ARRB1: variants seen among roughly 807,000 people sequenced by gnomAD.
ARRB1 encodes the protein beta-arrestin-1.
Under a neutral mutation model 56.8 loss-of-function variants are expected in ARRB1, and 21 were observed. The observed-to-expected ratio is 0.37, with a 90% CI of 0.26 to 0.53. The LOEUF (loss-of-function observed/expected upper bound fraction) is 0.53. Among genes scored for constraint, ARRB1 ranks in the 20% least tolerant of loss-of-function variants. ARRB1 has a pLI of 0.88. For missense variants in ARRB1, 424 were observed against 553.7 expected, an observed-to-expected ratio of 0.77 and a Z score of 2.35; for synonymous variants, 210 against 218.6, an observed-to-expected ratio of 0.96 and a Z score of 0.35.
intron 11 of ARRB1, 134 bp from the exon 12 acceptor site, chr11:75,273,112 G>A: frequency 1.4e-6 from 1 of 705,688 alleles, no homozygotes; most frequent in Non-Finnish European, 2.5e-6. Flanking sequence ...GTCCAATAGA[G>A]CCCAGTGGAG....
chr11:75,320,826 C>T (rs1716840800), intron 1 of ARRB1, among the ~76,000 whole-genome samples: 1 of 152,186 alleles, frequency 6.6e-6, no homozygotes, highest in Non-Finnish European at 1.5e-5. Context: ...ACAGAGATGG[C>T]CCTGGACTCC....
intron 1 of ARRB1, among the ~76,000 whole-genome samples, chr11:75,303,317 C>T (rs772796423): frequency 7.9e-5 from 12 of 152,034 alleles, no homozygotes; most frequent in Non-Finnish European, 1.6e-4. Flanking sequence ...CCAGTGTAGA[C>T]ATCCACATTC....
chr11:75,348,260 C>T (rs1220283288), intron 1 of ARRB1, among the ~76,000 whole-genome samples: 1 of 152,198 alleles, frequency 6.6e-6, no homozygotes, highest in Non-Finnish European at 1.5e-5. Flanking sequence ...ATATCATTCC[C>T]AATCCCGCCC....
intron 1 of ARRB1, among the ~76,000 whole-genome samples, chr11:75,313,162 G>A (rs766827533): frequency 1.3e-5 from 2 of 152,114 alleles, no homozygotes; most frequent in African/African-American, 2.4e-5. Context: ...AAACCAACCT[G>A]GCCAACATGG....
intron 1 of ARRB1, among the ~76,000 whole-genome samples, chr11:75,296,765 T>C (rs1340176129): frequency 1.3e-5 from 2 of 151,928 alleles, no homozygotes; most frequent in Non-Finnish European, 2.9e-5. Flanking sequence ...GCAACCTCCA[T>C]CTCCCAGGCT....
At chr11:75,351,547 G>A (rs1947851454) in intron 1 of ARRB1, 41 bp downstream of exon 1, 2 of 1,496,488 alleles carry the variant, frequency 1.3e-6, no homozygotes, top group Admixed American at 2.1e-5. Flanking sequence ...CGCCGAGGTC[G>A]CCCCCACGCG....
rs1946353216 is a variant in ARRB1 at position 75,281,971 on chromosome 11, G to A, written c.405C>T (p.Asp135=). Reference sequence around the variant, plus strand: ...CCTTGGGGTGACCTACCTTCCCCGTGTCTTCGGGCCCCGGCTGCAGTGTCA... The same window carrying A: ...CCTTGGGGTGACCTACCTTCCCCGTATCTTCGGGCCCCGGCTGCAGTGTCA... The part of the protein sequence containing the change: ...CSVTLQPGPE[D]TGKACGVDYE... The change falls in exon 6 of 16, where the codon GAC becomes GAT. Residue 135 remains aspartate (D), a synonymous_variant. Transcript: ENST00000420843. 6.2e-7 allele frequency: 1 copy of A among 1,614,012 alleles called. No individual in the cohort carries two copies. The highest frequency in any genetic ancestry group is 1.3e-5 in the African/African-American group (1 of 74,920).
chr11:75,277,611 G>A (rs1335911648), intron 8 of ARRB1, among the ~76,000 whole-genome samples, 163 bp from the exon 9 acceptor site: 1 of 152,188 alleles, frequency 6.6e-6, no homozygotes, highest in Non-Finnish European at 1.5e-5. Flanking sequence ...CATCCCTCAG[G>A]TTCATGCCCC....
Position 75,265,947 on chromosome 11 carries a change from A to T in ARRB1, c.*216T>A, listed in dbSNP as rs930933594. On this transcript the variant is annotated 3_prime_UTR_variant, in exon 16 of 16. Coordinates refer to ENST00000420843, the MANE Select transcript of ARRB1 (RefSeq NM_004041.5). ...AAGGAGGGGAGTGGAGATGGCAGAG[A>T]TGGGGTGGAGCCAGTGCGCTGTGGT... 7.1e-6 allele frequency: 4 copies of T among 563,674 alleles called. No homozygotes were observed. Among genetic ancestry groups the T allele is most frequent in the African/African-American group, 5.7e-5 (3 of 52,976 alleles). 34.9% of individuals were successfully genotyped at this position (563,674 alleles called of 1,614,324 possible).
chr11:75,289,914 C>T, intron 2 of ARRB1, 95 bp downstream of exon 2: 1 of 1,561,610 alleles, frequency 6.4e-7, no homozygotes, highest in Non-Finnish European at 8.8e-7. Flanking sequence ...CAGAGGTGTG[C>T]ATTTCAGGGG....
At chr11:75,346,212 CG>C (rs2135004437) in intron 1 of ARRB1, among the ~76,000 whole-genome samples, 1 of 152,218 alleles carries the variant, frequency 6.6e-6, no homozygotes, top group Non-Finnish European at 1.5e-5. Context: ...CACCCAGCTC[CG>C]GGGTCACCTC....
At chr11:75,283,534 G>GC (rs754170650) in intron 4 of ARRB1, 51 bp from the exon 5 acceptor site, 3 of 1,515,194 alleles carry the variant, frequency 2.0e-6, no homozygotes, top group South Asian at 1.3e-5. Flanking sequence ...CAGCAAGCGA[G>GC]CCCCCCAGAG....
chr11:75,267,160 C>T (rs1025482520), intron 15 of ARRB1, among the ~76,000 whole-genome samples: 3 of 152,350 alleles, frequency 2.0e-5, no homozygotes, highest in Admixed American at 6.5e-5. Context: ...GGAGGCGGTC[C>T]GCGCAGTCGG....
In ARRB1 at chr11:75,266,023, C is replaced by T. The variant is rs2279129; in HGVS notation, c.*140G>A. The stretch of plus-strand genomic sequence containing the variant: ...AATCCTGAGGCCAGAGGTTCATCAC[C>T]GTGATCTGGAAGCCCACGGGGCCCC... On this transcript the variant is annotated 3_prime_UTR_variant, in exon 16 of 16. Coordinates refer to ENST00000420843, the MANE Select transcript of ARRB1 (RefSeq NM_004041.5). 0.086 allele frequency: 58,133 copies of T among 677,660 alleles called. 3,416 individuals carry two copies. Among genetic ancestry groups the T allele is most frequent in the East Asian group, 0.26 (9,748 of 36,914 alleles). The allele number at this position is 677,660 out of a possible 1,614,324, so 42.0% of individuals were successfully genotyped here. A position where few individuals can be genotyped will look rare whatever the true frequency, so the allele number is the denominator to read the frequency against.
At chr11:75,313,404 AT>A (rs893228245) in intron 1 of ARRB1, among the ~76,000 whole-genome samples, 1 of 152,042 alleles carries the variant, frequency 6.6e-6, no homozygotes, top group Non-Finnish European at 1.5e-5. Context: ...GGGAATCTCT[AT>A]GGGCTCTTAA....
intron 5 of ARRB1, 117 bp from the exon 6 acceptor site, chr11:75,282,138 A>T: frequency 2.0e-6 from 2 of 1,014,302 alleles, no homozygotes; most frequent in East Asian, 2.6e-5. Context: ...GGGACAGGCC[A>T]TGTCTATCCC....
In ARRB1 at chr11:75,263,236, G is replaced by A. The variant is rs912875408; in HGVS notation, c.*2927C>T. 7.9e-5 allele frequency among the ~76,000 whole-genome samples: 12 copies of A among 152,252 alleles called. No individual in the cohort carries two copies. The highest frequency in any genetic ancestry group is 2.9e-4 in the African/African-American group (12 of 41,474). On this transcript the variant is annotated 3_prime_UTR_variant, in exon 16 of 16. Coordinates refer to ENST00000420843, the MANE Select transcript of ARRB1 (RefSeq NM_004041.5). ...CTCCAGAAAGGAAAGGGGCCCTGCA[G>A]AGAAGCACTGGCTCGGCCATGTTTG... is the stretch of plus-strand genomic sequence containing the variant.
chr11:75,309,697 G>A (rs887586434), intron 1 of ARRB1, among the ~76,000 whole-genome samples: 7 of 152,230 alleles, frequency 4.6e-5, no homozygotes, highest in African/African-American at 1.7e-4. Context: ...GGAGACCAGA[G>A]TGCTGAGCAG....
rs145232974 is a variant in ARRB1, at chr11:75,263,502, T to C, written c.*2661A>G. ...GAATCCACCTGGAAAGGGCACCGTC[T>C]TCTAATTCACATCAAGGCACCATAG... On this transcript the variant is annotated 3_prime_UTR_variant, in exon 16 of 16. Coordinates refer to ENST00000420843, the MANE Select transcript of ARRB1 (RefSeq NM_004041.5). Among the ~76,000 whole-genome samples the C allele has an allele frequency of 2.1e-4, 32 of 152,308 alleles. No homozygotes were observed. Among genetic ancestry groups the C allele is most frequent in the African/African-American group, 7.7e-4 (32 of 41,570 alleles).
Sources: gnomAD v4.1 joint callset for allele counts (sites outside exome capture counted in the v4.1 genomes callset) on GRCh38, gnomAD v4.1.1 for gene constraint, MANE v1.5 for transcripts, NCBI Gene and HGNC (gene_info 2026-07-23, HGNC 2026-07-21) for gene names.